The following SEMA3A variants were observed in gnomAD, a reference collection of about 807,000 sequenced individuals.
SEMA3A encodes semaphorin 3A.
Under a neutral mutation model 97.9 loss-of-function variants are expected in SEMA3A, and 29 were observed. That is an observed-to-expected ratio of 0.30 (90% confidence interval 0.22 to 0.40). The LOEUF is 0.40. SEMA3A is among the 10% of genes least tolerant of loss of function. The pLI is 1.00. For missense variants in SEMA3A, 763 were observed against 951.3 expected, an observed-to-expected ratio of 0.80 and a Z score of 2.60; for synonymous variants, 321 against 323.7, an observed-to-expected ratio of 0.99 and a Z score of 0.09.
intron 2 of SEMA3A, among the ~76,000 whole-genome samples, chr7:84,350,569 T>G (rs1423021448): frequency 6.6e-6 from 1 of 152,172 alleles, no homozygotes; most frequent in Non-Finnish European, 1.5e-5. Flanking sequence ...TTCCATATTT[T>G]CTTGTATGTG....
At chr7:84,060,644 T>C (rs974646457) in intron 4 of SEMA3A, 86 bp from the exon 5 acceptor site, 1 of 797,482 alleles carries the variant, frequency 1.3e-6, no homozygotes. Context: ...CAGAGAGATG[T>C]CAAGTATTCA....
At chr7:84,165,584 A>C (rs576758393) in intron 1 of SEMA3A, among the ~76,000 whole-genome samples, 1 of 151,940 alleles carries the variant, frequency 6.6e-6, no homozygotes, top group Non-Finnish European at 1.5e-5. Context: ...GCGGAGTCTC[A>C]CTCTGTCACC....
intron 2 of SEMA3A, among the ~76,000 whole-genome samples, chr7:84,340,596 T>A (rs1370294707): frequency 2.0e-5 from 3 of 151,732 alleles, no homozygotes; most frequent in African/African-American, 7.3e-5. Context: ...CTGGCCAACA[T>A]CATGAAACCC....
chr7:84,419,821 C>T (rs1232485048), intron 1 of SEMA3A, among the ~76,000 whole-genome samples: 2 of 152,072 alleles, frequency 1.3e-5, no homozygotes, highest in African/African-American at 4.8e-5. Flanking sequence ...GAAATAAAGG[C>T]TAAGGCAGCA....
intron 3 of SEMA3A, among the ~76,000 whole-genome samples, chr7:84,112,475 C>T (rs1228544894): frequency 6.6e-6 from 1 of 152,132 alleles, no homozygotes; most frequent in Non-Finnish European, 1.5e-5. Context: ...TCAGTATCAC[C>T]TAAGTGCCTC....
chr7:84,163,958 G>A (rs1797127824), intron 1 of SEMA3A, among the ~76,000 whole-genome samples: 1 of 151,162 alleles, frequency 6.6e-6, no homozygotes, highest in South Asian at 2.1e-4. Context: ...TGATTCTCCT[G>A]CCTCAGCCTC....
chr7:84,365,155 G>T (rs555559430), intron 2 of SEMA3A, among the ~76,000 whole-genome samples: 174 of 151,680 alleles, frequency 1.1e-3, no homozygotes, highest in African/African-American at 4.1e-3. Flanking sequence ...TTTGGGTGGG[G>T]TTTATGCCAC....
intron 3 of SEMA3A, among the ~76,000 whole-genome samples, chr7:84,293,101 G>A (rs1800789906): frequency 1.3e-5 from 2 of 151,922 alleles, no homozygotes; most frequent in South Asian, 4.2e-4. Context: ...GCAGGGTGAT[G>A]GATAAGGAAG....
chr7:84,378,824 C>T (rs1803175873), intron 1 of SEMA3A, among the ~76,000 whole-genome samples: 1 of 151,804 alleles, frequency 6.6e-6, no homozygotes, highest in Non-Finnish European at 1.5e-5. Flanking sequence ...TTATGTGGAT[C>T]TACATTTATT....
intron 6 of SEMA3A, among the ~76,000 whole-genome samples, chr7:84,020,976 A>C (rs916729127): frequency 6.6e-6 from 1 of 152,234 alleles, no homozygotes; most frequent in Non-Finnish European, 1.5e-5. Context: ...CAAACCAAAA[A>C]GACAAAACTG....
intron 2 of SEMA3A, among the ~76,000 whole-genome samples, chr7:84,314,561 G>A (rs1026031747): frequency 2.0e-5 from 3 of 152,208 alleles, no homozygotes; most frequent in Non-Finnish European, 4.4e-5. Flanking sequence ...AGCCAAAGCT[G>A]TCCATGATAG....
At chr7:84,453,376 A>G (rs1400377676) in intron 1 of SEMA3A, among the ~76,000 whole-genome samples, 1 of 151,674 alleles carries the variant, frequency 6.6e-6, no homozygotes, top group East Asian at 2.0e-4. Context: ...AGCTGGGACT[A>G]CAGGCGCCCG....
At chr7:84,359,974 C>G (rs529020583) in intron 2 of SEMA3A, among the ~76,000 whole-genome samples, 59 of 149,456 alleles carry the variant, frequency 3.9e-4, no homozygotes, top group African/African-American at 1.2e-3. Flanking sequence ...TCTGTGGGAT[C>G]GGCGGTGATA....
At chr7:84,156,567 G>T (rs1796850842) in intron 1 of SEMA3A, among the ~76,000 whole-genome samples, 1 of 152,066 alleles carries the variant, frequency 6.6e-6, no homozygotes, top group African/African-American at 2.4e-5. Context: ...TCTGTATGAA[G>T]AAATTATTTG....
intron 3 of SEMA3A, among the ~76,000 whole-genome samples, chr7:84,123,137 C>G (rs1356272999): frequency 1.3e-5 from 2 of 152,060 alleles, no homozygotes; most frequent in African/African-American, 4.8e-5. Flanking sequence ...GCTATTGATT[C>G]AAAACAGATT....
At chr7:84,144,729 C>T (rs953447967) in intron 1 of SEMA3A, among the ~76,000 whole-genome samples, 3 of 152,120 alleles carry the variant, frequency 2.0e-5, no homozygotes, top group African/African-American at 7.2e-5. Context: ...CATCTCCAGT[C>T]ATTCTCAAAC....
chr7:84,373,360 C>T (rs1472759148), intron 1 of SEMA3A, among the ~76,000 whole-genome samples: 1 of 152,164 alleles, frequency 6.6e-6, no homozygotes, highest in Non-Finnish European at 1.5e-5. Context: ...CCTACTTCAT[C>T]AGCGTTACAT....
intron 12 of SEMA3A, among the ~76,000 whole-genome samples, chr7:83,989,457 T>TCCCTCCC (rs1226766175): frequency 1.7e-5 from 1 of 59,514 alleles, no homozygotes; most frequent in Non-Finnish European, 4.6e-5. Flanking sequence ...CCCAATGCTA[T>TCCCTCCC]CCCTCCCCCC....
At chr7:84,383,725 C>A (rs1201699905) in intron 1 of SEMA3A, among the ~76,000 whole-genome samples, 1 of 152,084 alleles carries the variant, frequency 6.6e-6, no homozygotes, top group African/African-American at 2.4e-5. Context: ...TAAGTTATTT[C>A]TTCTGTATTA....
Sources: allele counts gnomAD v4.1 joint callset (sites outside exome capture counted in the v4.1 genomes callset), GRCh38; gene constraint gnomAD v4.1.1; transcripts MANE v1.5; gene names NCBI Gene and HGNC (gene_info 2026-07-23, HGNC 2026-07-21).